Variants in CACNA1D observed in about 807,000 individuals in gnomAD.
CACNA1D encodes the protein voltage-dependent L-type calcium channel subunit alpha-1D.
CACNA1D carries 55 observed loss-of-function variants against 257.1 expected under a neutral mutation model. That is an observed-to-expected ratio of 0.21 (90% confidence interval 0.17 to 0.27). The LOEUF (loss-of-function observed/expected upper bound fraction) is 0.27. Among genes scored for constraint, CACNA1D ranks in the 10% least tolerant of loss-of-function variants. CACNA1D has a pLI of 1.00. For synonymous variants in CACNA1D, 980 were observed against 1,014.9 expected, an observed-to-expected ratio of 0.97 and a Z score of 0.65; for missense variants, 1,876 against 2,784.0, an observed-to-expected ratio of 0.67 and a Z score of 7.34.
chr3:53,580,858 C>T (rs1007015945), intron 3 of CACNA1D, among the ~76,000 whole-genome samples: 5 of 152,206 alleles, frequency 3.3e-5, no homozygotes, highest in African/African-American at 1.2e-4. Flanking sequence ...TATGTCTGTG[C>T]ATACACACAC....
In CACNA1D at chr3:53,810,016, G is replaced by C. The variant is rs780302456; in HGVS notation, c.5910G>C (p.Gln1970His). Residue 1970 changes from glutamine (Q) to histidine (H), a missense_variant, in exon 47 of 48, where the codon CAG becomes CAC. Physicochemically the swap from Gln to His is conservative, Grantham distance 24. Coordinates refer to ENST00000350061, the MANE Select transcript of CACNA1D (RefSeq NM_001128840.3). ...AVAGLDSSKA[Q>H]KYSPSHSTRS... ...CCGGCCTAGATTCAAGTAAAGCCCA[G>C]AAGTACTCACCGAGTCACTCGACCC... 6.2e-7 allele frequency: 1 copy of C among 1,614,064 alleles called. No individual in the cohort carries two copies. The highest frequency in any genetic ancestry group is 1.1e-5 in the South Asian group (1 of 91,080).
At position 53,803,343 on chromosome 3, in the gene CACNA1D, C is replaced by T. The variant is rs940495813; in HGVS notation, c.5436-80C>T. 2.3e-5 allele frequency: 36 copies of T among 1,557,368 alleles called. No homozygotes were observed. In the East Asian group the frequency reaches 2.9e-4, roughly 13 times the overall value. Reference sequence around the variant, plus strand: ...GCCAGGAGCACCCGGGCAGGGTTGCCGGCCACAGGCAGAGGTGCAGCTGCA... The same window carrying T: ...GCCAGGAGCACCCGGGCAGGGTTGCTGGCCACAGGCAGAGGTGCAGCTGCA... On this transcript the variant is annotated intron_variant, in intron 43 of 47. Coordinates refer to ENST00000350061, the MANE Select transcript of CACNA1D (RefSeq NM_001128840.3).
chr3:53,576,241 G>A (rs2093036104), intron 3 of CACNA1D, among the ~76,000 whole-genome samples: 1 of 152,138 alleles, frequency 6.6e-6, no homozygotes, highest in Admixed American at 6.5e-5. Flanking sequence ...TCTGACATTT[G>A]TTATATTATA....
At chr3:53,612,690 G>C (rs1262666093) in intron 3 of CACNA1D, among the ~76,000 whole-genome samples, 1 of 152,052 alleles carries the variant, frequency 6.6e-6, no homozygotes, top group African/African-American at 2.4e-5. Context: ...ATTCCAGACT[G>C]TTTCCTCAGC....
intron 3 of CACNA1D, among the ~76,000 whole-genome samples, chr3:53,629,407 C>T (rs2093797498): frequency 6.6e-6 from 1 of 152,228 alleles, no homozygotes; most frequent in Non-Finnish European, 1.5e-5. Flanking sequence ...TTTACCTCAC[C>T]CACAGCAGAT....
At chr3:53,704,433 T>C (rs3821857) in intron 9 of CACNA1D, among the ~76,000 whole-genome samples, 8,186 of 152,268 alleles carry the variant, frequency 0.054, 284 homozygotes, top group East Asian at 0.18. Context: ...GGAGGGTTTC[T>C]AGAGCTAACT....
chr3:53,668,564 A>G (rs937469995), intron 7 of CACNA1D, among the ~76,000 whole-genome samples: 4 of 152,196 alleles, frequency 2.6e-5, no homozygotes, highest in African/African-American at 9.7e-5. Flanking sequence ...GTATCCCTTT[A>G]TAGAAGGTCT....
At chr3:53,598,577 T>C (rs2093401091) in intron 3 of CACNA1D, among the ~76,000 whole-genome samples, 1 of 146,878 alleles carries the variant, frequency 6.8e-6, no homozygotes, top group East Asian at 2.0e-4. Flanking sequence ...AGAGTGAGAA[T>C]CTCATCTCCA....
rs1487242237 is a variant in CACNA1D at position 53,789,833 on chromosome 3, C to T, written c.4923+2881C>T. ...GAATGTTTTTTCAAGGACACATATA[C>T]GCACTGTGGTTTTGAACCCTGTGGG... is the stretch of plus-strand genomic sequence containing the variant. On this transcript the variant is annotated intron_variant, in intron 40 of 47. Coordinates refer to ENST00000350061, the MANE Select transcript of CACNA1D (RefSeq NM_001128840.3). This position sits in a 1 kb window ranked among gnomAD's most constrained non-coding sequence, Gnocchi z 4.2. Among the ~76,000 whole-genome samples, 6 of 152,192 alleles carry T rather than the reference C, an allele frequency of 3.9e-5. No individual in the cohort carries two copies. Among genetic ancestry groups the T allele is most frequent in the African/African-American group, 9.7e-5 (4 of 41,446 alleles).
intron 3 of CACNA1D, among the ~76,000 whole-genome samples, chr3:53,504,388 C>G (rs1286592897): frequency 6.6e-6 from 1 of 152,128 alleles, no homozygotes; most frequent in Admixed American, 6.6e-5. Context: ...GAAACGTGGC[C>G]ATCCCCATTG....
chr3:53,744,591 G>T, intron 22 of CACNA1D, 149 bp from the exon 23 acceptor site: 1 of 717,586 alleles, frequency 1.4e-6, no homozygotes, highest in Admixed American at 1.9e-5. Context: ...TCGCCTCTGA[G>T]TCGTGAAGAG....
intron 3 of CACNA1D, among the ~76,000 whole-genome samples, chr3:53,528,565 TA>T (rs2091842934): frequency 6.6e-6 from 1 of 152,210 alleles, no homozygotes; most frequent in Admixed American, 6.5e-5. Context: ...TCAATTTCTA[TA>T]AAACAGCCTT....
intron 3 of CACNA1D, among the ~76,000 whole-genome samples, chr3:53,585,134 T>C (rs908825524): frequency 2.0e-5 from 3 of 151,696 alleles, no homozygotes; most frequent in African/African-American, 2.4e-5. Context: ...TCATCACACC[T>C]AGGCTTCTGT....
At chr3:53,687,118 A>G (rs770714975) in intron 8 of CACNA1D, among the ~76,000 whole-genome samples, 6 of 152,064 alleles carry the variant, frequency 3.9e-5, no homozygotes, top group Non-Finnish European at 7.4e-5. Context: ...CAAAACACTG[A>G]TTAGTAAAAT....
intron 3 of CACNA1D, among the ~76,000 whole-genome samples, chr3:53,623,095 G>A (rs2108053124): frequency 6.6e-6 from 1 of 152,334 alleles, no homozygotes; most frequent in East Asian, 1.9e-4. Flanking sequence ...GTTTCACCGT[G>A]TTAACCAGGA....
At chr3:53,764,841 G>A (rs73843303) in intron 30 of CACNA1D, among the ~76,000 whole-genome samples, 9,986 of 152,250 alleles carry the variant, frequency 0.066, 1,134 homozygotes, top group African/African-American at 0.23. Context: ...TTCTTGGCAT[G>A]CAATTAAACT....
In CACNA1D at chr3:53,699,748, A is replaced by G. The variant is rs562032701; in HGVS notation, c.1221-2893A>G. On this transcript the variant is annotated intron_variant, in intron 8 of 47. Coordinates refer to ENST00000350061, the MANE Select transcript of CACNA1D (RefSeq NM_001128840.3). ...TGTCTAAAATCAGTTCAGAGGGTCT[A>G]TATCAGCAGCTTTGTTATATGAGCT... 2.0e-5 allele frequency among the ~76,000 whole-genome samples: 3 copies of G among 152,346 alleles called. 1 individual carries two copies. In the South Asian group the frequency reaches 6.2e-4, roughly 32 times the overall value.
At chr3:53,505,094 G>A (rs2090770857) in intron 3 of CACNA1D, among the ~76,000 whole-genome samples, 1 of 149,854 alleles carries the variant, frequency 6.7e-6, no homozygotes, top group African/African-American at 2.5e-5. Context: ...GATGTACCAG[G>A]TGCTTTTTAT....
chr3:53,709,865 A>G (rs1219129235), intron 9 of CACNA1D, among the ~76,000 whole-genome samples: 3 of 152,194 alleles, frequency 2.0e-5, no homozygotes, highest in Admixed American at 6.5e-5. Context: ...TACAGGTCCA[A>G]TTATTATTGA....
Sources: gnomAD v4.1 joint callset for allele counts (sites outside exome capture counted in the v4.1 genomes callset) on GRCh38, gnomAD v4.1.1 for gene constraint, Gnocchi (gnomAD v3.1) non-coding constraint, MANE v1.5 for transcripts, NCBI Gene and HGNC (gene_info 2026-07-23, HGNC 2026-07-21) for gene names.